Variants in AKT3 observed in about 807,000 individuals in gnomAD.
AKT3 encodes RAC-gamma serine/threonine-protein kinase.
In AKT3, 15 loss-of-function variants were observed where a neutral mutation model predicts 65.3. The ratio of observed to expected loss-of-function variants is 0.23; its 90% confidence interval spans 0.15 to 0.35. The LOEUF (loss-of-function observed/expected upper bound fraction) is 0.35. Ranked by LOEUF, AKT3 falls within the 10% of genes least tolerant of loss-of-function variation. AKT3 has a pLI of 1.00. For synonymous variants in AKT3, 206 were observed against 183.8 expected (o/e 1.12, Z -0.98); for missense variants, 243 against 576.5 (o/e 0.42, Z 5.92).
At chr1:243,556,639 G>A (rs117645059) in intron 10 of AKT3, among the ~76,000 whole-genome samples, 52 of 152,140 alleles carry the variant, frequency 3.4e-4, no homozygotes, top group African/African-American at 1.1e-3. Flanking sequence ...AGTAAACTGC[G>A]AACTTGGATG....
In AKT3 at chr1:243,504,617, G is replaced by A. The variant is rs1179115228; in HGVS notation, c.*632C>T. ...TGGGCTTCTTCTACAGTATCCACCA[G>A]GAATTTAAAAAAAAAAAATTATATA... On this transcript the variant is annotated 3_prime_UTR_variant, in exon 14 of 14. Transcript: ENST00000673466. The A allele has an allele frequency of 5.7e-6, 1 of 174,958 alleles. No homozygotes were observed. The highest frequency in any genetic ancestry group is 1.2e-5 in the Non-Finnish European group (1 of 83,068). 10.8% of individuals were successfully genotyped at this position (174,958 alleles called of 1,614,324 possible).
intron 9 of AKT3, among the ~76,000 whole-genome samples, chr1:243,565,919 CTAATA>C (rs1402625327): frequency 7.2e-5 from 11 of 152,098 alleles, no homozygotes; most frequent in African/African-American, 1.4e-4. Context: ...TACTCTTTTA[CTAATA>C]TAATACATTA....
At chr1:243,680,520 G>C (rs541255542) in intron 3 of AKT3, among the ~76,000 whole-genome samples, 3 of 151,910 alleles carry the variant, frequency 2.0e-5, no homozygotes, top group Middle Eastern at 3.4e-3. Flanking sequence ...TAAATTCCAA[G>C]GCTTAAAGGT....
Position 243,570,340 on chromosome 1 carries a change from A to G in AKT3, c.819+2586T>C, listed in dbSNP as rs190707592. Among the ~76,000 whole-genome samples, 8 of 152,334 alleles carry G rather than the reference A, an allele frequency of 5.3e-5. No homozygotes were observed. In the East Asian group the frequency reaches 1.3e-3, roughly 26 times the overall value. On this transcript the variant is annotated intron_variant, in intron 9 of 13. Transcript: ENST00000673466. ...TCAAAGTGGGTACCTAAATCAGTTCATGATAATGTTCTTTAATACATCTGG... is the reference window on the plus strand; with the variant it reads ...TCAAAGTGGGTACCTAAATCAGTTCGTGATAATGTTCTTTAATACATCTGG...
intron 6 of AKT3, among the ~76,000 whole-genome samples, chr1:243,635,982 T>C (rs572929774): frequency 1.5e-3 from 225 of 152,188 alleles, no homozygotes; most frequent in African/African-American, 5.2e-3. Flanking sequence ...TAGTCTATCA[T>C]TTGTGAAATA....
intron 2 of AKT3, among the ~76,000 whole-genome samples, chr1:243,746,025 G>A (rs1458794670): frequency 6.6e-6 from 1 of 152,112 alleles, no homozygotes; most frequent in Non-Finnish European, 1.5e-5. Context: ...CTTTAATGCA[G>A]GTATCAAAAA....
intron 2 of AKT3, among the ~76,000 whole-genome samples, chr1:243,743,629 C>T (rs1291249490): frequency 6.6e-6 from 1 of 152,042 alleles, no homozygotes; most frequent in African/African-American, 2.4e-5. Context: ...TTTTAAAATG[C>T]AAGTGTCATA....
intron 6 of AKT3, among the ~76,000 whole-genome samples, chr1:243,633,494 CA>C (rs1679756031): frequency 6.6e-6 from 1 of 152,002 alleles, no homozygotes; most frequent in Admixed American, 6.6e-5. Flanking sequence ...AAGACACCAA[CA>C]ATTGAAAGGA....
intron 8 of AKT3, among the ~76,000 whole-genome samples, chr1:243,594,449 T>G (rs1029531590): frequency 3.3e-5 from 5 of 152,146 alleles, no homozygotes; most frequent in Admixed American, 3.3e-4. Context: ...AAGAACAAAG[T>G]TTTTCTCTAT....
chr1:243,574,808 G>A (rs976691255), intron 8 of AKT3, among the ~76,000 whole-genome samples: 37 of 152,160 alleles, frequency 2.4e-4, no homozygotes, highest in African/African-American at 6.7e-4. Context: ...ATGTGGAGTT[G>A]CAGTAGTCTT....
chr1:243,580,767 G>A (rs1675279500), intron 8 of AKT3, among the ~76,000 whole-genome samples: 2 of 152,158 alleles, frequency 1.3e-5, no homozygotes. Context: ...TGAGATTGTG[G>A]TGCAGTAGGG....
intron 3 of AKT3, among the ~76,000 whole-genome samples, chr1:243,681,138 T>C (rs1472383810): frequency 6.6e-6 from 1 of 152,128 alleles, no homozygotes; most frequent in Non-Finnish European, 1.5e-5. Context: ...CACTGGGAAA[T>C]TCCATGAACC....
intron 3 of AKT3, among the ~76,000 whole-genome samples, chr1:243,665,789 G>A (rs1682725760): frequency 6.6e-6 from 1 of 152,104 alleles, no homozygotes; most frequent in Non-Finnish European, 1.5e-5. Context: ...CATCTGAGCT[G>A]GGCTTTAAAG....
At chr1:243,498,888 T>C (rs12406958), downstream of AKT3, among the ~76,000 whole-genome samples, 27,761 of 152,248 alleles carry the variant, frequency 0.18, 2,783 homozygotes, top group East Asian at 0.28. Context: ...CGTCCCAATT[T>C]ATCTGACGTA....
At chr1:243,692,729 CTG>C (rs1341683265) in intron 3 of AKT3, among the ~76,000 whole-genome samples, 4 of 151,198 alleles carry the variant, frequency 2.6e-5, no homozygotes, top group Non-Finnish European at 5.9e-5. Flanking sequence ...CAGAGTGAGA[CTG>C]TCTAAAAAAA....
chr1:243,648,933 TG>T (rs1484758707), intron 4 of AKT3, among the ~76,000 whole-genome samples: 1 of 152,186 alleles, frequency 6.6e-6, no homozygotes, highest in African/African-American at 2.4e-5. Context: ...TGATTGCTGT[TG>T]TTTCTGTTTT....
chr1:243,512,541 T>C (rs915975893), intron 12 of AKT3, 115 bp from the exon 13 acceptor site: 5 of 666,282 alleles, frequency 7.5e-6, no homozygotes, highest in Non-Finnish European at 1.3e-5. Context: ...TCTACAATGC[T>C]GAGTCGCTGG....
At chr1:243,488,929 G>A in intron 13 of AKT3, 1 of 1,603,108 alleles carries the variant, frequency 6.2e-7, no homozygotes, top group Non-Finnish European at 8.5e-7. Context: ...CCCTATCAGG[G>A]GCTTCCCTCA....
chr1:243,842,371 A>G (rs1206264056), intron 2 of AKT3, among the ~76,000 whole-genome samples: 1 of 152,228 alleles, frequency 6.6e-6, no homozygotes, highest in East Asian at 1.9e-4. Flanking sequence ...GTGGGTAAAC[A>G]GTAGTTGCCT....
Sources: allele counts gnomAD v4.1 joint callset (sites outside exome capture counted in the v4.1 genomes callset), GRCh38; gene constraint gnomAD v4.1.1; transcripts MANE v1.5; gene names NCBI Gene and HGNC (gene_info 2026-07-23, HGNC 2026-07-21).